Variants in GALNT17 observed in about 807,000 individuals in gnomAD.
The protein encoded by GALNT17 is UDP-GalNAc:polypeptide N-acetylgalactosaminyltransferase-like 3.
Under a neutral mutation model 63.7 loss-of-function variants are expected in GALNT17, and 29 were observed. The ratio of observed to expected loss-of-function variants is 0.46; its 90% CI spans 0.34 to 0.62. The LOEUF (loss-of-function observed/expected upper bound fraction) is 0.62. GALNT17 is among the 20% of genes least tolerant of loss of function. GALNT17 has a pLI of 0.01. For missense variants in GALNT17, 603 were observed against 799.6 expected (o/e 0.75, Z 2.97); for synonymous variants, 305 against 318.3 (o/e 0.96, Z 0.45).
intron 9 of GALNT17, among the ~76,000 whole-genome samples, chr7:71,698,989 T>C (rs10226346): frequency 0.14 from 20,385 of 150,936 alleles, 1,578 homozygotes; most frequent in African/African-American, 0.2. Context: ...CTGGGCAACA[T>C]GGTGAAACCC....
intron 6 of GALNT17, among the ~76,000 whole-genome samples, chr7:71,628,985 T>G (rs758712699): frequency 1.3e-5 from 2 of 152,148 alleles, no homozygotes; most frequent in Non-Finnish European, 2.9e-5. Context: ...TGAACCACTG[T>G]TCAGACTGTT....
intron 1 of GALNT17, among the ~76,000 whole-genome samples, chr7:71,137,626 G>C (rs1787811249): frequency 6.6e-6 from 1 of 152,150 alleles, no homozygotes; most frequent in African/African-American, 2.4e-5. Flanking sequence ...GGAGAGGGGT[G>C]GGGGCTGGGA....
intron 1 of GALNT17, among the ~76,000 whole-genome samples, chr7:71,321,918 C>CCTTT (rs1791619853): frequency 1.2e-3 from 62 of 51,190 alleles, no homozygotes; most frequent in African/African-American, 2.8e-3. Context: ...TTCCTTCCTT[C>CCTTT]CTTCCCCTCC....
In GALNT17 at chr7:71,192,899, G is replaced by A. The variant is rs62459646; in HGVS notation, c.238+59859G>A. On this transcript the variant is annotated intron_variant, in intron 1 of 10. Coordinates refer to ENST00000333538, the MANE Select transcript of GALNT17 (RefSeq NM_022479.3). ...AATACTTCTTGACTGATGTGGTTCC[G>A]TCACATGTGTTGCCTTTATTTCTGC... Among the ~76,000 whole-genome samples the A allele has an allele frequency of 7.3e-3, 1,103 of 152,048 alleles. 5 individuals are homozygous for A. Among genetic ancestry groups the A allele is most frequent in the Non-Finnish European group, 0.011 (759 of 68,018 alleles).
intron 5 of GALNT17, among the ~76,000 whole-genome samples, chr7:71,539,359 TA>T (rs968498349): frequency 9.9e-5 from 15 of 152,236 alleles, no homozygotes; most frequent in Non-Finnish European, 1.9e-4. Context: ...TGTTTATTGT[TA>T]AAAAAATAAA....
chr7:71,670,881 TGTGTGTGTGTGTGTGTGTGTGC>T (rs1448525703), intron 8 of GALNT17, among the ~76,000 whole-genome samples: 3 of 2,418 alleles, frequency 1.2e-3, no homozygotes, highest in Non-Finnish European at 5.9e-3. Flanking sequence ...GCCTCCGGAC[TGTGTGTGTGTGTGTGTGTGTGC>T]GTGTGTGTGT....
At chr7:71,230,866 G>T (rs557739375) in intron 1 of GALNT17, among the ~76,000 whole-genome samples, 1 of 152,106 alleles carries the variant, frequency 6.6e-6, no homozygotes, top group Non-Finnish European at 1.5e-5. Context: ...CCAAACCAAC[G>T]TCGTCAAGAT....
At chr7:71,519,613 A>C (rs914207823) in intron 5 of GALNT17, among the ~76,000 whole-genome samples, 7 of 152,052 alleles carry the variant, frequency 4.6e-5, no homozygotes, top group African/African-American at 1.7e-4. Flanking sequence ...ACAGGTGTGC[A>C]CCACCACGCC....
intron 9 of GALNT17, among the ~76,000 whole-genome samples, chr7:71,682,102 T>C (rs552728932): frequency 6.6e-6 from 1 of 151,760 alleles, no homozygotes; most frequent in Non-Finnish European, 1.5e-5. Flanking sequence ...AATTTTTGTA[T>C]TTTCAGTAGT....
At chr7:71,382,447 G>C (rs182679821) in intron 2 of GALNT17, among the ~76,000 whole-genome samples, 1 of 152,182 alleles carries the variant, frequency 6.6e-6, no homozygotes, top group Admixed American at 6.5e-5. Context: ...CTAAGAGTAA[G>C]GGTTTTGGGA....
chr7:71,549,387 G>A (rs1329661352), intron 5 of GALNT17, among the ~76,000 whole-genome samples: 1 of 152,072 alleles, frequency 6.6e-6, no homozygotes, highest in African/African-American at 2.4e-5. Flanking sequence ...AGGCTACATA[G>A]TAAGACTCTG....
At chr7:71,319,096 A>ATCTTTCTTTTCTTTCTTTCTTTCTT (rs1791555315) in intron 1 of GALNT17, among the ~76,000 whole-genome samples, 1 of 131,882 alleles carries the variant, frequency 7.6e-6, no homozygotes, top group African/African-American at 3.1e-5. Flanking sequence ...ATTTTTGTTT[A>ATCTTTCTTTTCTTTCTTTCTTTCTT]TCTTTCTTTC....
At chr7:71,214,884 T>A (rs1224444801) in intron 1 of GALNT17, among the ~76,000 whole-genome samples, 1 of 152,170 alleles carries the variant, frequency 6.6e-6, no homozygotes, top group African/African-American at 2.4e-5. Flanking sequence ...GGCCTTTTGA[T>A]TAAGCTTCAC....
At chr7:71,323,758 C>T (rs141298656) in intron 1 of GALNT17, among the ~76,000 whole-genome samples, 122 of 152,330 alleles carry the variant, frequency 8.0e-4, no homozygotes, top group Middle Eastern at 6.8e-3. Context: ...GTTTATAATG[C>T]ACTCATTCAT....
chr7:71,688,249 C>A (rs1158721979), intron 9 of GALNT17, among the ~76,000 whole-genome samples: 1 of 152,202 alleles, frequency 6.6e-6, no homozygotes. Flanking sequence ...ATATTAACAG[C>A]CTTTTTTGTT....
At chr7:71,174,681 A>G (rs1213396703) in intron 1 of GALNT17, among the ~76,000 whole-genome samples, 1 of 152,140 alleles carries the variant, frequency 6.6e-6, no homozygotes, top group East Asian at 1.9e-4. Flanking sequence ...AATTACAAAG[A>G]ACCTTCTTAA....
intron 2 of GALNT17, among the ~76,000 whole-genome samples, chr7:71,348,656 G>A (rs907337223): frequency 1.4e-4 from 21 of 152,200 alleles, no homozygotes; most frequent in Non-Finnish European, 4.4e-5. Context: ...CGATTTATTA[G>A]TTTGAATCAA....
At position 71,430,039 on chromosome 7, in the gene GALNT17, G is replaced by T. The variant is rs878930441; in HGVS notation, c.962+8934G>T. ...TTAAAAAATGTTTGTAAAGTCAGGGGTCTTGCTATGTTGCCCAGGCTGGTC... is the reference window on the plus strand; with the variant it reads ...TTAAAAAATGTTTGTAAAGTCAGGGTTCTTGCTATGTTGCCCAGGCTGGTC... On this transcript the variant is annotated intron_variant, in intron 5 of 10. Coordinates refer to ENST00000333538, the MANE Select transcript of GALNT17 (RefSeq NM_022479.3). Among the ~76,000 whole-genome samples the T allele has an allele frequency of 9.2e-5, 14 of 152,010 alleles. No homozygotes were observed. In the South Asian group the frequency reaches 2.1e-3, roughly 23 times the overall value.
intron 6 of GALNT17, among the ~76,000 whole-genome samples, chr7:71,579,827 A>G (rs1017450286): frequency 3.3e-5 from 5 of 152,214 alleles, no homozygotes; most frequent in Non-Finnish European, 4.4e-5. Flanking sequence ...CATTTTAGAT[A>G]GGTAGGTTAG....
Sources: gnomAD v4.1 joint callset for allele counts (sites outside exome capture counted in the v4.1 genomes callset) on GRCh38, gnomAD v4.1.1 for gene constraint, MANE v1.5 for transcripts, NCBI Gene and HGNC (gene_info 2026-07-23, HGNC 2026-07-21) for gene names.